Variants in CACNA1C observed in about 807,000 individuals in gnomAD.
CACNA1C encodes the protein calcium voltage-gated channel subunit alpha1 C.
Under a neutral mutation model 229.0 loss-of-function variants are expected in CACNA1C, and 30 were observed. That is an observed-to-expected ratio of 0.13 (90% CI 0.10 to 0.18). CACNA1C has a LOEUF of 0.18. Ranked by LOEUF, CACNA1C falls within the 10% of genes least tolerant of loss-of-function variation. The probability of loss-of-function intolerance (pLI) is 1.00; values close to 1 mark genes in which losing one functional copy is unlikely to be tolerated. For missense variants in CACNA1C, 1,658 were observed against 2,845.0 expected (o/e 0.58, Z 9.49); for synonymous variants, 1,114 against 1,132.5 (o/e 0.98, Z 0.33).
At chr12:2,421,800 A>T (rs1486108207) in intron 3 of CACNA1C, among the ~76,000 whole-genome samples, 1 of 152,128 alleles carries the variant, frequency 6.6e-6, no homozygotes, top group South Asian at 2.1e-4. Flanking sequence ...AGTCCCAGCT[A>T]CTTGGGAGTC....
chr12:2,445,808 T>C (rs2099271768), intron 3 of CACNA1C, among the ~76,000 whole-genome samples: 1 of 152,148 alleles, frequency 6.6e-6, no homozygotes, highest in Non-Finnish European at 1.5e-5. Context: ...TTATAGGAGT[T>C]GTCTGGGAAT....
chr12:2,268,724 G>A (rs1179983946), intron 3 of CACNA1C, among the ~76,000 whole-genome samples: 4 of 152,192 alleles, frequency 2.6e-5, no homozygotes, highest in Non-Finnish European at 5.9e-5. Context: ...AATGCTGAAG[G>A]TTGCTAGGCG....
At position 2,053,649 on chromosome 12, in the gene CACNA1C, C is replaced by G; in HGVS notation, c.49+38C>G. 1 of 1,542,824 alleles carries G rather than the reference C, an allele frequency of 6.5e-7. No homozygotes were observed. Among genetic ancestry groups the G allele is most frequent in the South Asian group, 1.2e-5 (1 of 82,600 alleles). On this transcript the variant is annotated intron_variant, in intron 1 of 46. Coordinates refer to ENST00000399655, the MANE Select transcript of CACNA1C (RefSeq NM_000719.7). This position sits in a 1 kb window ranked among gnomAD's most constrained non-coding sequence, Gnocchi z 5.8. ...CCCGCCGCCTCGCCGGGGCTCCCTG[C>G]CTTTTCCACCGGGTTCCTGCCCTAC...
At chr12:2,070,917 T>C (rs988112740) in intron 1 of CACNA1C, among the ~76,000 whole-genome samples, 1 of 149,882 alleles carries the variant, frequency 6.7e-6, no homozygotes, top group African/African-American at 2.5e-5. Context: ...CTCTCCTTCC[T>C]TCCTCCTTCC....
chr12:2,495,758 G>A (rs1424631642), intron 7 of CACNA1C, among the ~76,000 whole-genome samples: 1 of 152,260 alleles, frequency 6.6e-6, no homozygotes, highest in East Asian at 1.9e-4. Flanking sequence ...GATTTTCCCA[G>A]CACCTTCCCA....
intron 43 of CACNA1C, among the ~76,000 whole-genome samples, chr12:2,682,938 G>T (rs1304778666): frequency 2.4e-3 from 2 of 822 alleles, no homozygotes; most frequent in African/African-American, 8.3e-3. Context: ...TTAGCTTGGG[G>T]TTTCCTCGCC....
intron 3 of CACNA1C, among the ~76,000 whole-genome samples, chr12:2,240,109 A>G (rs192450064): frequency 6.6e-6 from 1 of 152,372 alleles, no homozygotes; most frequent in Non-Finnish European, 1.5e-5. Flanking sequence ...TGAAGAATCA[A>G]TGCTAATTGG....
rs2097850241 is a variant in CACNA1C, at chr12:2,697,451, C to T, written c.*6252C>T. 6.6e-6 allele frequency: 1 copy of T among 152,162 alleles called. No individual in the cohort carries two copies. The highest frequency in any genetic ancestry group is 2.4e-5 in the African/African-American group (1 of 41,442). 9.4% of individuals were successfully genotyped at this position (152,162 alleles called of 1,614,324 possible). A position where few individuals can be genotyped will look rare whatever the true frequency, so the allele number is the denominator to read the frequency against. On this transcript the variant is annotated 3_prime_UTR_variant, in exon 47 of 47. Coordinates refer to ENST00000399655, the MANE Select transcript of CACNA1C (RefSeq NM_000719.7). The stretch of plus-strand genomic sequence containing the variant: ...AATATTGCTGTTTTATTTTAATCCA[C>T]CAGAGCTACCATGCAAAACTTTCCT...
intron 3 of CACNA1C, among the ~76,000 whole-genome samples, chr12:2,154,387 C>T (rs1484740139): frequency 6.6e-6 from 1 of 152,226 alleles, no homozygotes; most frequent in Non-Finnish European, 1.5e-5. Flanking sequence ...GAGCTGCTTC[C>T]TTCCCGCACA....
chr12:2,419,405 G>A (rs141015616), intron 3 of CACNA1C, among the ~76,000 whole-genome samples: 1,851 of 152,102 alleles, frequency 0.012, 41 homozygotes, highest in African/African-American at 0.04. Flanking sequence ...AAGACATGAG[G>A]GATCCACCGC....
intron 3 of CACNA1C, among the ~76,000 whole-genome samples, chr12:2,418,582 G>A (rs936536784): frequency 6.6e-6 from 1 of 152,162 alleles, no homozygotes; most frequent in Non-Finnish European, 1.5e-5. Flanking sequence ...AGGAGGAAAA[G>A]GCTCTTGTGT....
intron 3 of CACNA1C, among the ~76,000 whole-genome samples, chr12:2,302,573 C>G (rs769448625): frequency 6.6e-6 from 1 of 152,064 alleles, no homozygotes; most frequent in Non-Finnish European, 1.5e-5. Flanking sequence ...CCGGGCCCCT[C>G]GGATGCTCCA....
intron 8 of CACNA1C, among the ~76,000 whole-genome samples, chr12:2,506,352 A>G (rs937666733): frequency 3.3e-5 from 5 of 152,194 alleles, no homozygotes; most frequent in Admixed American, 6.5e-5. Flanking sequence ...CCCTGAATCA[A>G]AGCAGAAATT....
intron 3 of CACNA1C, among the ~76,000 whole-genome samples, chr12:2,229,943 T>C (rs994689620): frequency 6.6e-6 from 1 of 152,190 alleles, no homozygotes; most frequent in South Asian, 2.1e-4. Flanking sequence ...ACGCGGGCTA[T>C]CCCAGGTGAG....
chr12:2,446,779 G>A (rs1317140226), intron 3 of CACNA1C, among the ~76,000 whole-genome samples: 2 of 151,568 alleles, frequency 1.3e-5, no homozygotes, highest in East Asian at 1.9e-4. Context: ...TGGGTGAATG[G>A]ATGAATGGAT....
chr12:2,611,232 A>G (rs1378548493), intron 28 of CACNA1C, among the ~76,000 whole-genome samples: 50 of 95,044 alleles, frequency 5.3e-4, no homozygotes, highest in Middle Eastern at 0.01. Flanking sequence ...TGATCAATGG[A>G]GAGAGGGGAG....
At chr12:2,077,941 A>C (rs965032176) in intron 1 of CACNA1C, among the ~76,000 whole-genome samples, 1 of 152,262 alleles carries the variant, frequency 6.6e-6, no homozygotes, top group Non-Finnish European at 1.5e-5. Context: ...AATTAACATA[A>C]AAATGAAATC....
intron 10 of CACNA1C, among the ~76,000 whole-genome samples, chr12:2,553,838 G>T (rs1407213809): frequency 1.3e-5 from 2 of 152,228 alleles, no homozygotes; most frequent in Admixed American, 6.5e-5. Context: ...GGAGGCTCTG[G>T]CCAGAGTCAT....
chr12:2,349,498 G>A (rs560227035), intron 3 of CACNA1C, among the ~76,000 whole-genome samples: 6 of 152,270 alleles, frequency 3.9e-5, no homozygotes, highest in African/African-American at 1.4e-4. Context: ...CAGCCTGGGG[G>A]CATTTTGAGT....
Sources: allele counts gnomAD v4.1 joint callset (sites outside exome capture counted in the v4.1 genomes callset), GRCh38; gene constraint gnomAD v4.1.1; non-coding constraint Gnocchi (gnomAD v3.1); transcripts MANE v1.5; gene names NCBI Gene and HGNC (gene_info 2026-07-23, HGNC 2026-07-21).